DPP10: variants seen among roughly 807,000 people sequenced by gnomAD.
DPP10 encodes the protein inactive dipeptidyl peptidase 10.
A neutral mutation model predicts 120.9 loss-of-function variants in DPP10; 33 were observed. The observed-to-expected ratio is 0.27, with a 90% CI of 0.21 to 0.37. DPP10 has a LOEUF of 0.37. DPP10 is among the 10% of genes least tolerant of loss of function. The pLI is 1.00. For missense variants in DPP10, 816 were observed against 942.8 expected, an observed-to-expected ratio of 0.87 and a Z score of 1.76; for synonymous variants, 337 against 326.1, an observed-to-expected ratio of 1.03 and a Z score of -0.36.
At chr2:115,828,721 T>C (rs1688627730) in intron 21 of DPP10, among the ~76,000 whole-genome samples, 1 of 152,140 alleles carries the variant, frequency 6.6e-6, no homozygotes, top group African/African-American at 2.4e-5. Context: ...AAACTTCTAT[T>C]TTATATATTT....
chr2:114,829,874 A>G, intron 1 of DPP10, among the ~76,000 whole-genome samples: 1 of 152,180 alleles, frequency 6.6e-6, no homozygotes, highest in East Asian at 1.9e-4. Flanking sequence ...CACCCATTTC[A>G]GAACCCGTGT....
At chr2:115,186,050 G>T (rs1396703626) in intron 1 of DPP10, among the ~76,000 whole-genome samples, 1 of 152,160 alleles carries the variant, frequency 6.6e-6, no homozygotes, top group Non-Finnish European at 1.5e-5. Flanking sequence ...ACAATTTATT[G>T]ATTAGTTGAA....
At chr2:115,688,664 T>A (rs1347359029) in intron 5 of DPP10, among the ~76,000 whole-genome samples, 3 of 152,160 alleles carry the variant, frequency 2.0e-5, no homozygotes, top group Non-Finnish European at 4.4e-5. Flanking sequence ...TCTTTTGTAA[T>A]TTTCCTAATT....
intron 1 of DPP10, among the ~76,000 whole-genome samples, chr2:114,788,957 G>A (rs895296594): frequency 6.6e-6 from 1 of 152,106 alleles, no homozygotes; most frequent in Non-Finnish European, 1.5e-5. Context: ...AGTGGATGAA[G>A]TAGGTTCCAT....
At chr2:114,617,417 T>G (rs926847408) in intron 1 of DPP10, among the ~76,000 whole-genome samples, 4 of 152,152 alleles carry the variant, frequency 2.6e-5, no homozygotes, top group Non-Finnish European at 5.9e-5. Context: ...ATACTAAAAT[T>G]ATGGCAAAGA....
intron 1 of DPP10, among the ~76,000 whole-genome samples, chr2:114,958,394 C>T (rs538736558): frequency 8.1e-4 from 123 of 152,136 alleles, no homozygotes; most frequent in Middle Eastern, 6.8e-3. Context: ...CCTTCTCAGG[C>T]CATATTTAGC....
intron 3 of DPP10, among the ~76,000 whole-genome samples, chr2:115,415,907 T>C (rs904763865): frequency 7.0e-6 from 1 of 141,916 alleles, no homozygotes; most frequent in Non-Finnish European, 1.5e-5. Flanking sequence ...ATATTTATTT[T>C]AATGGGCAAA....
intron 1 of DPP10, among the ~76,000 whole-genome samples, chr2:115,084,877 G>A (rs1708564771): frequency 6.6e-6 from 1 of 152,200 alleles, no homozygotes; most frequent in African/African-American, 2.4e-5. Flanking sequence ...AGGAAGCAGA[G>A]CCTCAGAAAA....
chr2:114,476,821 G>A (rs1313890149), intron 1 of DPP10, among the ~76,000 whole-genome samples: 1 of 152,148 alleles, frequency 6.6e-6, no homozygotes, highest in Non-Finnish European at 1.5e-5. Flanking sequence ...TGTATAGTCA[G>A]CACCCAGCTA....
intron 1 of DPP10, among the ~76,000 whole-genome samples, chr2:114,753,563 T>C (rs1679433138): frequency 6.6e-6 from 1 of 152,078 alleles, no homozygotes; most frequent in Non-Finnish European, 1.5e-5. Flanking sequence ...TGATAAAATA[T>C]GTTATATTGT....
At chr2:114,565,402 C>A (rs1216127553) in intron 1 of DPP10, among the ~76,000 whole-genome samples, 1 of 152,122 alleles carries the variant, frequency 6.6e-6, no homozygotes, top group East Asian at 1.9e-4. Context: ...TCTGTTCTTT[C>A]TTTTTGTCCC....
At chr2:115,805,675 A>C (rs1464847394) in intron 19 of DPP10, among the ~76,000 whole-genome samples, 1 of 151,450 alleles carries the variant, frequency 6.6e-6, no homozygotes, top group African/African-American at 2.4e-5. Flanking sequence ...CCTGGGTTCA[A>C]GCTATTCTCC....
chr2:114,469,145 A>G (rs532295769), intron 1 of DPP10, among the ~76,000 whole-genome samples: 2 of 152,266 alleles, frequency 1.3e-5, no homozygotes, highest in South Asian at 2.1e-4. Flanking sequence ...AGACAAAACA[A>G]TGCTGGTGGC....
rs148567008 is a variant in DPP10 at position 115,059,079 on chromosome 2, G to T, written c.61-250160G>T. 3.1e-3 allele frequency among the ~76,000 whole-genome samples: 475 copies of T among 152,156 alleles called. 3 individuals are homozygous for T. The highest frequency in any genetic ancestry group is 0.011 in the African/African-American group (460 of 41,502). On this transcript the variant is annotated intron_variant, in intron 1 of 25. Coordinates refer to ENST00000410059, the MANE Select transcript of DPP10 (RefSeq NM_020868.6). The stretch of plus-strand genomic sequence containing the variant: ...CTATACAGTCAGTCATTCCGCTGAG[G>T]GTTCCACCTAAGGGTGACCCCAAAC...
At chr2:115,009,466 A>C (rs1318563687) in intron 1 of DPP10, among the ~76,000 whole-genome samples, 2 of 152,094 alleles carry the variant, frequency 1.3e-5, no homozygotes, top group African/African-American at 4.8e-5. Context: ...ATTGGGAGAT[A>C]TACCTAATGC....
intron 19 of DPP10, among the ~76,000 whole-genome samples, chr2:115,797,665 G>A (rs1276809393): frequency 1.3e-5 from 2 of 151,896 alleles, no homozygotes; most frequent in East Asian, 3.9e-4. Context: ...AAAGGCAGTG[G>A]CATTTAATCT....
intron 1 of DPP10, among the ~76,000 whole-genome samples, chr2:114,445,108 A>T (rs1677866957): frequency 6.6e-6 from 1 of 152,206 alleles, no homozygotes; most frequent in Non-Finnish European, 1.5e-5. Context: ...AAGCTGTGGG[A>T]CATTGGAGCT....
chr2:115,539,216 G>A (rs1324771047), intron 5 of DPP10, among the ~76,000 whole-genome samples: 1 of 151,964 alleles, frequency 6.6e-6, no homozygotes, highest in African/African-American at 2.4e-5. Flanking sequence ...TTATGTAATT[G>A]TGGAAAAGGA....
intron 3 of DPP10, among the ~76,000 whole-genome samples, chr2:115,446,321 G>A (rs1244598273): frequency 6.6e-6 from 1 of 152,198 alleles, no homozygotes; most frequent in Admixed American, 6.5e-5. Flanking sequence ...GAAGGGAAAT[G>A]TGGATTTGGA....
Sources: gnomAD v4.1 joint callset for allele counts (sites outside exome capture counted in the v4.1 genomes callset) on GRCh38, gnomAD v4.1.1 for gene constraint, MANE v1.5 for transcripts, NCBI Gene and HGNC (gene_info 2026-07-23, HGNC 2026-07-21) for gene names.